The following S100A9 variants were observed in gnomAD, a reference collection of about 807,000 sequenced individuals.
The protein encoded by S100A9 is protein S100-A9.
Under a neutral mutation model 4.3 loss-of-function variants are expected in S100A9, and 2 were observed. The observed-to-expected ratio is 0.47, with a 90% confidence interval of 0.19 to 1.48. The LOEUF (loss-of-function observed/expected upper bound fraction) is 1.48. Among genes scored for constraint, S100A9 ranks in the 40% most tolerant of loss-of-function variants. The pLI is 0.24. For synonymous variants in S100A9, 67 were observed against 54.0 expected (o/e 1.24, Z -1.06); for missense variants, 130 against 144.4 (o/e 0.90, Z 0.51).
chr1:153,358,699 T>C (rs1410842123), intron 2 of S100A9, among the ~76,000 whole-genome samples: 1 of 152,154 alleles, frequency 6.6e-6, no homozygotes, highest in Non-Finnish European at 1.5e-5. Flanking sequence ...GAGCCCACTA[T>C]TCCAGTGGAG....
intron 2 of S100A9, among the ~76,000 whole-genome samples, chr1:153,359,074 T>A (rs375579900): frequency 6.7e-6 from 1 of 150,286 alleles, no homozygotes; most frequent in East Asian, 2.0e-4. Flanking sequence ...AACTGGGAGG[T>A]TTTTCCCCCG....
intron 2 of S100A9, among the ~76,000 whole-genome samples, chr1:153,359,680 C>CTTTTT (rs34039196): frequency 2.4e-5 from 2 of 83,904 alleles, no homozygotes; most frequent in African/African-American, 4.8e-5. Context: ...GATGTCTCTC[C>CTTTTT]TTTTTTTTTT....
chr1:153,359,865 T>G (rs1459753135), intron 2 of S100A9, among the ~76,000 whole-genome samples: 1 of 151,952 alleles, frequency 6.6e-6, no homozygotes, highest in Non-Finnish European at 1.5e-5. Flanking sequence ...ATTTTGTTAT[T>G]TTTTGTAGAG....
chr1:153,358,095 A>G (rs1317177793), intron 1 of S100A9, among the ~76,000 whole-genome samples, 174 bp from the exon 2 acceptor site: 1 of 152,220 alleles, frequency 6.6e-6, no homozygotes, highest in Non-Finnish European at 1.5e-5. Context: ...GATATTCTAA[A>G]AAATCATTTT....
rs1661389896 is a variant in S100A9, at chr1:153,358,554, A to G, written c.150+121A>G. 1.2e-5 allele frequency: 9 copies of G among 755,466 alleles called. No individual in the cohort carries two copies. In the South Asian group the frequency reaches 1.7e-4, roughly 14 times the overall value. 46.8% of individuals were successfully genotyped at this position (755,466 alleles called of 1,614,324 possible). A position where few individuals can be genotyped will look rare whatever the true frequency, so the allele number is the denominator to read the frequency against. ...TTTGAGCTCCTGGAGCCCAGCCCCA[A>G]GACGCAGCGAGTGTCCTGTTATACA... On this transcript the variant is annotated intron_variant, in intron 2 of 2. Transcript: ENST00000368738.
chr1:153,360,560 A>G, intron 2 of S100A9, 84 bp from the exon 3 acceptor site: 1 of 902,328 alleles, frequency 1.1e-6, no homozygotes, highest in Non-Finnish European at 1.7e-6. Flanking sequence ...TCCCTTGTAC[A>G]TTTGCCAGCT....
At chr1:153,358,217 C>A in intron 1 of S100A9, 52 bp from the exon 2 acceptor site, 5 of 1,294,780 alleles carry the variant, frequency 3.9e-6, no homozygotes, top group Non-Finnish European at 5.3e-6. Flanking sequence ...GTCAAAGAAG[C>A]TTGACAGCAT....
chr1:153,359,284 C>T (rs1370525868), intron 2 of S100A9, among the ~76,000 whole-genome samples: 10 of 152,088 alleles, frequency 6.6e-5, no homozygotes, highest in Admixed American at 3.3e-4. Context: ...CCCCTCCCTC[C>T]GCCTTGGTAA....
intron 2 of S100A9, among the ~76,000 whole-genome samples, chr1:153,359,206 A>T (rs1661400645): frequency 6.6e-6 from 1 of 152,104 alleles, no homozygotes; most frequent in African/African-American, 2.4e-5. Context: ...GGTGGAACAC[A>T]TGGGTCTCAG....
rs760376508 is a variant in S100A9 at position 153,358,418 on chromosome 1, G to A, written c.135G>A (p.Leu45=). 2 of 1,609,164 alleles carry A rather than the reference G, an allele frequency of 1.2e-6. No homozygotes were observed. Among genetic ancestry groups the A allele is most frequent in the Non-Finnish European group, 1.7e-6 (2 of 1,177,320 alleles). Residue 45 remains leucine (L), a synonymous_variant, in exon 2 of 3, where the codon CTG becomes CTA. Coordinates refer to ENST00000368738, the MANE Select transcript of S100A9 (RefSeq NM_002965.4). ...TCAAAGAGCTGGTGCGAAAAGATCT[G>A]CAAAATTTTCTCAAGGTAGGGCTGG... is the stretch of plus-strand genomic sequence containing the variant. ...GEFKELVRKD[L]QNFLKKENKN... is the part of the protein sequence containing the mutation.
At chr1:153,359,206 A>G (rs1661400645) in intron 2 of S100A9, among the ~76,000 whole-genome samples, 1 of 152,104 alleles carries the variant, frequency 6.6e-6, no homozygotes, top group Non-Finnish European at 1.5e-5. Context: ...GGTGGAACAC[A>G]TGGGTCTCAG....
intron 2 of S100A9, among the ~76,000 whole-genome samples, chr1:153,359,392 G>A (rs1306901201): frequency 6.6e-6 from 1 of 152,114 alleles, no homozygotes; most frequent in Non-Finnish European, 1.5e-5. Flanking sequence ...GGCAAGAAAG[G>A]GCCCAGCAGA....
chr1:153,360,511 G>C (rs1251691894), intron 2 of S100A9, 133 bp from the exon 3 acceptor site: 1 of 629,598 alleles, frequency 1.6e-6, no homozygotes, highest in African/African-American at 1.8e-5. Context: ...TCAGCCTATG[G>C]TCATTTTTAA....
rs1001510694 is a variant in S100A9, at chr1:153,360,998, G to T, written c.*160G>T. On this transcript the variant is annotated 3_prime_UTR_variant, in exon 3 of 3. Transcript: ENST00000368738. ...GTCTTGGCTGTGGGGCTAGGGGCTG[G>T]GGCCAAATAAAGTCTCTTCCTCCAA... The T allele has an allele frequency of 1.0e-5, 6 of 599,918 alleles. No individual in the cohort carries two copies. The Admixed American group carries it at 1.9e-4, about 19-fold the overall frequency. The allele number at this position is 599,918 out of a possible 1,614,324, so 37.2% of individuals were successfully genotyped here.
At chr1:153,360,505 C>G in intron 2 of S100A9, 139 bp from the exon 3 acceptor site, 1 of 615,320 alleles carries the variant, frequency 1.6e-6, no homozygotes, top group South Asian at 2.0e-5. Context: ...GCGCACTCAG[C>G]CTATGGTCAT....
intron 2 of S100A9, among the ~76,000 whole-genome samples, chr1:153,359,582 G>A (rs1310205451): frequency 1.3e-5 from 2 of 151,996 alleles, no homozygotes; most frequent in Admixed American, 1.3e-4. Flanking sequence ...AGGGGACTTA[G>A]CGAGGTGACT....
At chr1:153,360,382 C>T (rs1004892718) in intron 2 of S100A9, among the ~76,000 whole-genome samples, 4 of 152,178 alleles carry the variant, frequency 2.6e-5, no homozygotes, top group African/African-American at 7.2e-5. Flanking sequence ...CAGGGCAAGA[C>T]CCTGGAACTC....
In S100A9 at chr1:153,360,826, G is replaced by A. The variant is rs913724092; in HGVS notation, c.333G>A (p.Glu111=). The change falls in exon 3 of 3, where the codon GAG becomes GAA. Residue 111 remains glutamate (E), a synonymous_variant. Transcript: ENST00000368738. ...ACCACCATAAGCCAGGCCTCGGGGA[G>A]GGCACCCCCTAAGACCACAGTGGCC... The part of the protein sequence containing the change: ...PGHHHKPGLG[E]GTP 1.2e-5 allele frequency: 19 copies of A among 1,607,168 alleles called. No individual in the cohort carries two copies. The highest frequency in any genetic ancestry group is 1.5e-5 in the Non-Finnish European group (18 of 1,176,476).
At chr1:153,358,585 G>C in intron 2 of S100A9, 152 bp downstream of exon 2, 1 of 617,500 alleles carries the variant, frequency 1.6e-6, no homozygotes, top group Non-Finnish European at 2.8e-6. Flanking sequence ...ATACAGGGCA[G>C]GTGCTCACAG....
Sources: gnomAD v4.1 joint callset for allele counts (sites outside exome capture counted in the v4.1 genomes callset) on GRCh38, gnomAD v4.1.1 for gene constraint, MANE v1.5 for transcripts, NCBI Gene and HGNC (gene_info 2026-07-23, HGNC 2026-07-21) for gene names.